The following SYT1 variants were observed in gnomAD, a reference collection of about 807,000 sequenced individuals.
The protein encoded by SYT1 is synaptotagmin-1.
Under a neutral mutation model 44.8 loss-of-function variants are expected in SYT1, and 8 were observed. The ratio of observed to expected loss-of-function variants is 0.18; its 90% CI spans 0.10 to 0.32. The LOEUF (loss-of-function observed/expected upper bound fraction) is 0.32. SYT1 is among the 10% of genes least tolerant of loss of function. The pLI is 1.00. For missense variants in SYT1, 286 were observed against 509.3 expected, an observed-to-expected ratio of 0.56 and a Z score of 4.22; for synonymous variants, 154 against 188.8, an observed-to-expected ratio of 0.82 and a Z score of 1.51.
chr12:79,112,142 A>G lies in SYT1; in HGVS notation c.-18+64780A>G, dbSNP rs146919364. Among the ~76,000 whole-genome samples the G allele has an allele frequency of 2.0e-3, 303 of 152,234 alleles. 1 individual carries two copies. The highest frequency in any genetic ancestry group is 3.8e-3 in the Non-Finnish European group (260 of 67,966). On this transcript the variant is annotated intron_variant, in intron 3 of 10. Coordinates refer to ENST00000261205, the MANE Select transcript of SYT1 (RefSeq NM_005639.3). ...AATTAATCTATGCACCAGCCTTAAT[A>G]CAATATGCTAGTACATGAGGAATTT...
At position 78,936,943 on chromosome 12, in the gene SYT1, G is replaced by A. The variant is rs536266438; in HGVS notation, c.-216-40856G>A. ...TAGGCTTCTACCCTCCAAAAGACAG[G>A]GGAATAGGAGCTCTATCTTCCTTAA... On this transcript the variant is annotated intron_variant, in intron 1 of 10. Transcript: ENST00000261205. Among the ~76,000 whole-genome samples, 15 of 152,278 alleles carry A rather than the reference G, an allele frequency of 9.9e-5. No individual in the cohort carries two copies. In the East Asian group the frequency reaches 2.3e-3, roughly 23 times the overall value.
intron 1 of SYT1, among the ~76,000 whole-genome samples, chr12:78,924,721 C>G (rs1174949261): frequency 6.7e-6 from 1 of 150,012 alleles, no homozygotes; most frequent in African/African-American, 2.4e-5. Context: ...GTTAAGGGAG[C>G]TCCTTCAAGC....
intron 3 of SYT1, among the ~76,000 whole-genome samples, chr12:79,216,624 G>C (rs1288644719): frequency 1.3e-5 from 2 of 152,134 alleles, no homozygotes; most frequent in African/African-American, 2.4e-5. Context: ...CTAGTGAAGA[G>C]GATGAGAACT....
chr12:79,226,031 C>T (rs1366441973), intron 4 of SYT1, among the ~76,000 whole-genome samples: 3 of 152,136 alleles, frequency 2.0e-5, no homozygotes. Context: ...TGTTTATGCT[C>T]ATGCCTAGCA....
At chr12:79,127,587 C>G (rs1356194030) in intron 3 of SYT1, among the ~76,000 whole-genome samples, 1 of 151,660 alleles carries the variant, frequency 6.6e-6, no homozygotes, top group Admixed American at 6.6e-5. Flanking sequence ...TGAGTAAGCA[C>G]TGAACAACGT....
At chr12:79,342,298 C>G (rs934049746) in intron 8 of SYT1, among the ~76,000 whole-genome samples, 1 of 152,160 alleles carries the variant, frequency 6.6e-6, no homozygotes, top group African/African-American at 2.4e-5. Context: ...GTGCCACAAT[C>G]ATAGCTCACT....
intron 2 of SYT1, among the ~76,000 whole-genome samples, chr12:78,990,384 C>A (rs560010581): frequency 1.3e-5 from 2 of 152,240 alleles, no homozygotes; most frequent in Admixed American, 1.3e-4. Context: ...ATTATTGTAA[C>A]TTTTTCTGAC....
In SYT1 at chr12:79,369,991, G is replaced by A. The variant is rs536087346; in HGVS notation, c.928+16372G>A. 3.3e-5 allele frequency among the ~76,000 whole-genome samples: 5 copies of A among 152,132 alleles called. No individual in the cohort carries two copies. The South Asian group carries it at 8.3e-4, about 25-fold the overall frequency. On this transcript the variant is annotated intron_variant, in intron 9 of 10. Transcript: ENST00000261205. ...TTTATTTCTGTGTGCTATTAATATGGGTGGTTCTTATCATTGCCTCTCTAA... is the reference window on the plus strand; with the variant it reads ...TTTATTTCTGTGTGCTATTAATATGAGTGGTTCTTATCATTGCCTCTCTAA...
chr12:79,001,158 T>C (rs1445655995), intron 2 of SYT1, among the ~76,000 whole-genome samples: 2 of 152,074 alleles, frequency 1.3e-5, no homozygotes, highest in African/African-American at 4.8e-5. Context: ...TAGCTAAAAA[T>C]TGCCATTATT....
intron 3 of SYT1, among the ~76,000 whole-genome samples, chr12:79,212,411 G>A (rs1413008713): frequency 6.6e-6 from 1 of 151,448 alleles, no homozygotes; most frequent in Non-Finnish European, 1.5e-5. Context: ...CCTAATGCAT[G>A]TGGTGCTTAA....
intron 8 of SYT1, among the ~76,000 whole-genome samples, chr12:79,314,028 G>C (rs1004403651): frequency 1.3e-5 from 2 of 150,888 alleles, no homozygotes; most frequent in African/African-American, 4.9e-5. Flanking sequence ...AATTAGCCGG[G>C]CGTGGTAGCG....
intron 1 of SYT1, among the ~76,000 whole-genome samples, chr12:78,926,045 G>T (rs1877286264): frequency 6.6e-6 from 1 of 152,010 alleles, no homozygotes; most frequent in Non-Finnish European, 1.5e-5. Context: ...ACATATCAGG[G>T]TCAGAACTCA....
intron 1 of SYT1, among the ~76,000 whole-genome samples, chr12:78,929,004 T>C (rs1432332495): frequency 6.6e-6 from 1 of 152,070 alleles, no homozygotes; most frequent in African/African-American, 2.4e-5. Flanking sequence ...TTCTTACAGA[T>C]GAAACTTAAG....
intron 2 of SYT1, among the ~76,000 whole-genome samples, chr12:79,017,104 A>C (rs1179735843): frequency 1.3e-5 from 2 of 152,172 alleles, no homozygotes; most frequent in African/African-American, 4.8e-5. Flanking sequence ...AGATTTCCAA[A>C]GGTGGCTTTA....
chr12:79,024,760 C>G (rs1380676074), intron 2 of SYT1, among the ~76,000 whole-genome samples: 2 of 151,742 alleles, frequency 1.3e-5, no homozygotes, highest in Non-Finnish European at 1.5e-5. Flanking sequence ...TTTGGTATAT[C>G]TGACATACTA....
intron 4 of SYT1, among the ~76,000 whole-genome samples, chr12:79,238,535 C>T (rs1218202213): frequency 3.3e-5 from 5 of 152,144 alleles, no homozygotes; most frequent in African/African-American, 4.8e-5. Context: ...AATGTGAAAG[C>T]GGTGAGCGTG....
chr12:79,343,231 TC>T, intron 8 of SYT1, among the ~76,000 whole-genome samples: 1 of 152,008 alleles, frequency 6.6e-6, no homozygotes, highest in Non-Finnish European at 1.5e-5. Context: ...GAGAGAGAAA[TC>T]AATGGAACAT....
rs1266056820 is a variant in SYT1 at position 79,265,841 on chromosome 12, A to AT, written c.167-19944dup. On this transcript the variant is annotated intron_variant, in intron 4 of 10. Coordinates refer to ENST00000261205, the MANE Select transcript of SYT1 (RefSeq NM_005639.3). ...TGCTGCATGCAAGAAGAGTAAAACT[A>AT]TTAGCATTACTAATACAATGTTAAG... Among the ~76,000 whole-genome samples, 14 of 152,220 alleles carry AT rather than the reference A, an allele frequency of 9.2e-5. 1 individual carries two copies. Among genetic ancestry groups the AT allele is most frequent in the Non-Finnish European group, 2.1e-4 (14 of 68,020 alleles).
chr12:79,427,719 G>A (rs563774120), intron 9 of SYT1, among the ~76,000 whole-genome samples: 1 of 152,222 alleles, frequency 6.6e-6, no homozygotes, highest in Admixed American at 6.5e-5. Flanking sequence ...TGAGGAGGAG[G>A]CATCCCAGGC....
Sources: gnomAD v4.1 joint callset for allele counts (sites outside exome capture counted in the v4.1 genomes callset) on GRCh38, gnomAD v4.1.1 for gene constraint, MANE v1.5 for transcripts, NCBI Gene and HGNC (gene_info 2026-07-23, HGNC 2026-07-21) for gene names.